Variants in DCAF13 observed in about 807,000 individuals in gnomAD.
DCAF13 encodes the protein DDB1 and CUL4 associated factor 13.
Under a neutral mutation model 59.0 loss-of-function variants are expected in DCAF13, and 38 were observed. The observed-to-expected ratio is 0.64, with a 90% CI of 0.50 to 0.84. The LOEUF (loss-of-function observed/expected upper bound fraction) is 0.84. Ranked by LOEUF, DCAF13 falls within the 40% of genes least tolerant of loss-of-function variation. The probability of loss-of-function intolerance (pLI) is 0.00; values close to 1 mark genes in which losing one functional copy is unlikely to be tolerated. For synonymous variants in DCAF13, 173 were observed against 175.0 expected (o/e 0.99, Z 0.09); for missense variants, 469 against 558.4 (o/e 0.84, Z 1.61).
chr8:103,436,398 C>T (rs1027565672), intron 8 of DCAF13, among the ~76,000 whole-genome samples: 4 of 152,016 alleles, frequency 2.6e-5, no homozygotes, highest in Non-Finnish European at 5.9e-5. Context: ...AGGTATATGG[C>T]TTGGTTGATG....
chr8:103,431,804 G>A (rs34000715), intron 6 of DCAF13, among the ~76,000 whole-genome samples: 1 of 151,704 alleles, frequency 6.6e-6, no homozygotes, highest in Admixed American at 6.6e-5. Context: ...TTTTAATTTA[G>A]TTTATTTTTC....
chr8:103,435,336 G>C (rs920430855), intron 7 of DCAF13, among the ~76,000 whole-genome samples: 29 of 152,140 alleles, frequency 1.9e-4, no homozygotes, highest in Admixed American at 3.9e-4. Flanking sequence ...CCTCTGGGTA[G>C]TAGAATTCAA....
At chr8:103,431,466 G>A (rs370795277) in intron 6 of DCAF13, among the ~76,000 whole-genome samples, 6 of 152,174 alleles carry the variant, frequency 3.9e-5, no homozygotes, top group East Asian at 1.9e-4. Context: ...TTTTTATAAC[G>A]TAACAACTAG....
intron 5 of DCAF13, chr8:103,429,916 T>A (rs1816839503): frequency 6.6e-6 from 1 of 152,144 alleles, no homozygotes; most frequent in Non-Finnish European, 1.5e-5. Context: ...GATTCAGTAA[T>A]GTCATTTGTG....
chr8:103,439,202 C>T (rs1003447934), intron 8 of DCAF13, among the ~76,000 whole-genome samples: 1 of 151,612 alleles, frequency 6.6e-6, no homozygotes. Flanking sequence ...GATGGGGTTT[C>T]ACCTGGTCTC....
chr8:103,440,110 G>A lies in DCAF13; in HGVS notation c.951-26G>A, dbSNP rs190373384. The A allele has an allele frequency of 2.2e-5, 33 of 1,525,536 alleles. No homozygotes were observed. In the East Asian group the frequency reaches 6.1e-4, roughly 28 times the overall value. The allele number at this position is 1,525,536 out of a possible 1,614,324, so 94.5% of individuals were successfully genotyped here. On this transcript the variant is annotated intron_variant, in intron 8 of 10. Coordinates refer to ENST00000612750, the MANE Select transcript of DCAF13 (RefSeq NM_015420.7). ...CAAAATCTGTACCAAAATCCAAAGG[G>A]TTTTAACTTAATTCGTTTTCTATAG... is the stretch of plus-strand genomic sequence containing the variant.
chr8:103,428,030 A>G (rs1439264800), intron 5 of DCAF13: 2 of 152,206 alleles, frequency 1.3e-5, no homozygotes, highest in Non-Finnish European at 2.9e-5. Context: ...CGAGGCTACC[A>G]TTTTAGGTAG....
At chr8:103,434,721 ATTAC>A (rs757150065) in intron 7 of DCAF13, among the ~76,000 whole-genome samples, 11 of 152,158 alleles carry the variant, frequency 7.2e-5, no homozygotes, top group African/African-American at 2.2e-4. Flanking sequence ...ATATTGCTGT[ATTAC>A]TTTTGTCCAT....
rs1419959290 is a variant in DCAF13, at chr8:103,430,604, G to T, written c.625-8G>T. On this transcript the variant is annotated splice_region_variant and splice_polypyrimidine_tract_variant and intron_variant, in intron 5 of 10. Transcript: ENST00000612750. Reference sequence around the variant, plus strand: ...CTTTGAACTGGTGATTGTTATACTTGTTTTTAGACATTTCTCTTGGGAAGT... The same window carrying T: ...CTTTGAACTGGTGATTGTTATACTTTTTTTTAGACATTTCTCTTGGGAAGT... 6.2e-7 allele frequency: 1 copy of T among 1,608,654 alleles called. No homozygotes were observed. The highest frequency in any genetic ancestry group is 1.1e-5 in the South Asian group (1 of 90,490).
intron 8 of DCAF13, among the ~76,000 whole-genome samples, chr8:103,438,452 G>C (rs576797357): frequency 6.7e-6 from 1 of 150,150 alleles, no homozygotes; most frequent in East Asian, 1.9e-4. Context: ...ACAGAGTCTG[G>C]CTCTGTCAGC....
chr8:103,420,529 T>A, intron 2 of DCAF13, 66 bp downstream of exon 2: 1 of 1,499,310 alleles, frequency 6.7e-7, no homozygotes, highest in Non-Finnish European at 9.1e-7. Context: ...TTCCCTTTAG[T>A]TTTTAGTTAC....
intron 10 of DCAF13, chr8:103,442,564 G>T (rs1465116605): frequency 3.2e-6 from 1 of 316,098 alleles, no homozygotes; most frequent in Non-Finnish European, 5.7e-6. Context: ...TATTAACTGT[G>T]GAAGGTTTTT....
chr8:103,418,866 A>ATAT (rs1563724113), intron 1 of DCAF13, among the ~76,000 whole-genome samples: 1 of 38,432 alleles, frequency 2.6e-5, no homozygotes, highest in Non-Finnish European at 4.8e-5. Flanking sequence ...ATATATATAT[A>ATAT]TTTTTTTTTT....
At chr8:103,441,642 T>C (rs769010877) in intron 10 of DCAF13, 24 bp downstream of exon 10, 1 of 1,603,166 alleles carries the variant, frequency 6.2e-7, no homozygotes, top group Non-Finnish European at 8.5e-7. Flanking sequence ...CATTTGACTC[T>C]ATTACCCTTT....
At chr8:103,430,583 G>C (rs765059789) in intron 5 of DCAF13, 29 bp from the exon 6 acceptor site, 1 of 1,557,604 alleles carries the variant, frequency 6.4e-7, no homozygotes, top group South Asian at 1.1e-5. Context: ...GTCTGGCTTT[G>C]AACTGGTGAT....
chr8:103,424,395 C>T (rs1816763097), intron 3 of DCAF13, among the ~76,000 whole-genome samples: 1 of 152,292 alleles, frequency 6.6e-6, no homozygotes, highest in Non-Finnish European at 1.5e-5. Context: ...CTTGCTGGTA[C>T]AACTTTAAGA....
intron 3 of DCAF13, 51 bp downstream of exon 3, chr8:103,421,133 A>G (rs1339691102): frequency 8.4e-7 from 1 of 1,185,174 alleles, no homozygotes. Flanking sequence ...AGGTAAGAAT[A>G]ATCTAATTGA....
chr8:103,417,922 A>C (rs1332830166), intron 1 of DCAF13, among the ~76,000 whole-genome samples: 2 of 152,078 alleles, frequency 1.3e-5, no homozygotes, highest in Admixed American at 1.3e-4. Context: ...GATCGAGACT[A>C]TCCTGGCTAA....
At chr8:103,427,046 A>C (rs974084252) in intron 4 of DCAF13, 51 bp from the exon 5 acceptor site, 2 of 1,354,268 alleles carry the variant, frequency 1.5e-6, no homozygotes, top group Non-Finnish European at 2.0e-6. Context: ...ATTATTCTGC[A>C]GATTTGAATT....
Sources: allele counts gnomAD v4.1 joint callset (sites outside exome capture counted in the v4.1 genomes callset), GRCh38; gene constraint gnomAD v4.1.1; transcripts MANE v1.5; gene names NCBI Gene and HGNC (gene_info 2026-07-23, HGNC 2026-07-21).